The following MIGA1 variants were observed in gnomAD, a reference collection of about 807,000 sequenced individuals.
MIGA1 encodes the protein family with sequence similarity 73, member A.
In MIGA1, 58 loss-of-function variants were observed where a neutral mutation model predicts 82.0. That is an observed-to-expected ratio of 0.71 (90% CI 0.57 to 0.88). The LOEUF is 0.88. Among genes scored for constraint, MIGA1 ranks in the 40% least tolerant of loss-of-function variants. MIGA1 has a pLI of 0.00. For synonymous variants in MIGA1, 249 were observed against 253.6 expected (o/e 0.98, Z 0.17); for missense variants, 751 against 749.1 (o/e 1.00, Z -0.03).
chr1:77,788,337 C>CT (rs1442532792), intron 2 of MIGA1, among the ~76,000 whole-genome samples: 1 of 152,144 alleles, frequency 6.6e-6, no homozygotes, highest in Non-Finnish European at 1.5e-5. Context: ...CGGGGTTTCA[C>CT]TATGTTGGCT....
chr1:77,815,176 G>A lies in MIGA1; in HGVS notation c.840G>A (p.Glu280=). 1 of 1,609,894 alleles carries A rather than the reference G, an allele frequency of 6.2e-7. No individual in the cohort carries two copies. Among genetic ancestry groups the A allele is most frequent in the Non-Finnish European group, 8.5e-7 (1 of 1,177,238 alleles). Reference sequence around the variant, plus strand: ...TGCAAAGAGCCTATCGTCTCCAAGAGGAGTTTGAAGCTACCCTTGGGGCAT... The same window carrying A: ...TGCAAAGAGCCTATCGTCTCCAAGAAGAGTTTGAAGCTACCCTTGGGGCAT... Residue 280 remains glutamate (E), a synonymous_variant, in exon 7 of 16, where the codon GAG becomes GAA. Coordinates refer to ENST00000370791, the MANE Select transcript of MIGA1 (RefSeq NM_198549.4).
At chr1:77,864,557 TC>T in intron 13 of MIGA1, among the ~76,000 whole-genome samples, 1 of 152,184 alleles carries the variant, frequency 6.6e-6, no homozygotes, top group Middle Eastern at 3.4e-3. Flanking sequence ...GCACCTGTAA[TC>T]CCAGCTACTC....
At chr1:77,844,897 G>T (rs145911266) in intron 8 of MIGA1, among the ~76,000 whole-genome samples, 1,863 of 152,198 alleles carry the variant, frequency 0.012, 41 homozygotes, top group African/African-American at 0.043. Flanking sequence ...CACAAGAATC[G>T]CTTGAACCTG....
chr1:77,812,416 C>T (rs1683376345), intron 5 of MIGA1, among the ~76,000 whole-genome samples: 1 of 151,986 alleles, frequency 6.6e-6, no homozygotes, highest in South Asian at 2.1e-4. Context: ...TGCTCTCCAG[C>T]CTGGGCAACA....
chr1:77,801,272 C>A, intron 2 of MIGA1, 59 bp from the exon 3 acceptor site: 1 of 1,291,182 alleles, frequency 7.7e-7, no homozygotes, highest in Non-Finnish European at 1.1e-6. Flanking sequence ...TTATTAGGTC[C>A]TTCTTTTAAG....
In MIGA1 at chr1:77,809,596, AAAAAT is replaced by A. The variant is rs958710095; in HGVS notation, c.637+2508_637+2512del. On this transcript the variant is annotated intron_variant, in intron 5 of 15. Transcript: ENST00000370791. The stretch of plus-strand genomic sequence containing the variant: ...AAAAAAGAGACCAAAAAAAACTAAA[AAAAAT>A]AAAATAAAATAATTATTCCTGTGTT... 3.6e-3 allele frequency among the ~76,000 whole-genome samples: 555 copies of A among 152,264 alleles called. 1 individual carries two copies. Among genetic ancestry groups the A allele is most frequent in the Admixed American group, 8.0e-3 (123 of 15,288 alleles).
chr1:77,793,533 C>T (rs534831935), intron 2 of MIGA1, among the ~76,000 whole-genome samples: 2 of 152,140 alleles, frequency 1.3e-5, no homozygotes, highest in African/African-American at 2.4e-5. Context: ...AATCTTGGCT[C>T]GCTGCAACCT....
chr1:77,844,114 ATATAT>A (rs1170532947), intron 8 of MIGA1, among the ~76,000 whole-genome samples: 3,570 of 79,194 alleles, frequency 0.045, 118 homozygotes, highest in Admixed American at 0.064. Context: ...AAAAAAAAAA[ATATAT>A]ATATATATAT....
chr1:77,792,538 A>G (rs1173970479), intron 2 of MIGA1, among the ~76,000 whole-genome samples: 1 of 152,224 alleles, frequency 6.6e-6, no homozygotes, highest in Non-Finnish European at 1.5e-5. Flanking sequence ...AGTTTGTTTC[A>G]AGGTTACATC....
chr1:77,824,197 C>T (rs943363697), intron 7 of MIGA1, among the ~76,000 whole-genome samples: 2 of 152,158 alleles, frequency 1.3e-5, no homozygotes, highest in Admixed American at 6.5e-5. Context: ...TGAAAAACTT[C>T]TGACAACCTG....
At chr1:77,795,561 G>A (rs1055740736) in intron 2 of MIGA1, among the ~76,000 whole-genome samples, 7 of 151,376 alleles carry the variant, frequency 4.6e-5, no homozygotes, top group South Asian at 2.1e-4. Flanking sequence ...CTCAAACTCC[G>A]GCTCAAGTGA....
chr1:77,834,998 G>T (rs1355184435), intron 7 of MIGA1, among the ~76,000 whole-genome samples: 1 of 152,172 alleles, frequency 6.6e-6, no homozygotes, highest in Non-Finnish European at 1.5e-5. Flanking sequence ...AAGAAGAGTG[G>T]CATCTTTGGA....
Position 77,844,835 on chromosome 1 carries a change from A to T in MIGA1, c.996+1428A>T, listed in dbSNP as rs1684776228. ...CATCCCTACAAAAAATTAAAAAATT[A>T]GCCGGGCATGGTGGTGCATGCCTGT... On this transcript the variant is annotated intron_variant, in intron 8 of 15. Transcript: ENST00000370791. 7.9e-5 allele frequency among the ~76,000 whole-genome samples: 12 copies of T among 152,260 alleles called. No individual in the cohort carries two copies. The South Asian group carries it at 2.5e-3, about 32-fold the overall frequency.
At chr1:77,866,267 T>C in intron 13 of MIGA1, 71 bp from the exon 14 acceptor site, 1 of 1,454,464 alleles carries the variant, frequency 6.9e-7, no homozygotes, top group South Asian at 1.2e-5. Flanking sequence ...CCATAAACTT[T>C]GAATTTCTAA....
intron 4 of MIGA1, among the ~76,000 whole-genome samples, chr1:77,804,147 G>C (rs185905552): frequency 6.6e-6 from 1 of 152,292 alleles, no homozygotes; most frequent in Non-Finnish European, 1.5e-5. Flanking sequence ...CAGACTTTGT[G>C]CTGGGTCACA....
chr1:77,814,633 A>C (rs1683505007), intron 6 of MIGA1, among the ~76,000 whole-genome samples: 1 of 152,232 alleles, frequency 6.6e-6, no homozygotes, highest in African/African-American at 2.4e-5. Flanking sequence ...AATCACATAA[A>C]GGTGTAGAGC....
At chr1:77,809,564 A>G (rs1683235737) in intron 5 of MIGA1, among the ~76,000 whole-genome samples, 1 of 152,088 alleles carries the variant, frequency 6.6e-6, no homozygotes, top group African/African-American at 2.4e-5. Flanking sequence ...GTAAGACCCC[A>G]TCTCTAAAAA....
chr1:77,782,043 C>T (rs575545847), intron 1 of MIGA1, among the ~76,000 whole-genome samples: 22 of 151,324 alleles, frequency 1.5e-4, no homozygotes, highest in Non-Finnish European at 2.5e-4. Flanking sequence ...AGGCTGGTCT[C>T]GAACTCCTGG....
chr1:77,850,867 T>C lies in MIGA1; in HGVS notation c.996+7460T>C, dbSNP rs868102965. Among the ~76,000 whole-genome samples the C allele has an allele frequency of 2.8e-3, 419 of 152,250 alleles. 2 individuals are homozygous for C. The highest frequency in any genetic ancestry group is 8.3e-3 in the South Asian group (40 of 4,820). On this transcript the variant is annotated intron_variant, in intron 8 of 15. Transcript: ENST00000370791. Reference sequence around the variant, plus strand: ...TTTGATTTCTTTCTTTCTTTCTTTTTTTTTTTGTTTTGTTTTTGTGAGATG... The same window carrying C: ...TTTGATTTCTTTCTTTCTTTCTTTTCTTTTTTGTTTTGTTTTTGTGAGATG...
Sources: gnomAD v4.1 joint callset for allele counts (sites outside exome capture counted in the v4.1 genomes callset) on GRCh38, gnomAD v4.1.1 for gene constraint, MANE v1.5 for transcripts, NCBI Gene and HGNC (gene_info 2026-07-23, HGNC 2026-07-21) for gene names.